Variants in MARCHF1 observed in about 807,000 individuals in gnomAD.
MARCHF1 encodes the protein membrane associated ring-CH-type finger 1.
Under a neutral mutation model 54.2 loss-of-function variants are expected in MARCHF1, and 40 were observed. The ratio of observed to expected loss-of-function variants is 0.74; its 90% CI spans 0.57 to 0.96. MARCHF1 has a LOEUF of 0.96. MARCHF1 is among the 40% of genes least tolerant of loss of function. The probability of loss-of-function intolerance (pLI) is 0.00; values close to 1 mark genes in which losing one functional copy is unlikely to be tolerated. For missense variants in MARCHF1, 586 were observed against 656.5 expected (o/e 0.89, Z 1.17); for synonymous variants, 236 against 236.3 (o/e 1.00, Z 0.01).
chr4:164,284,334 CAG>C (rs139533400), intron 1 of MARCHF1, among the ~76,000 whole-genome samples: 1,514 of 116,552 alleles, frequency 0.013, 26 homozygotes, highest in African/African-American at 0.034. Context: ...GAGAGAGAGA[CAG>C]AGAGAGAGAG....
At chr4:164,292,075 T>C (rs943947178) in intron 1 of MARCHF1, among the ~76,000 whole-genome samples, 2 of 152,126 alleles carry the variant, frequency 1.3e-5, no homozygotes, top group African/African-American at 4.8e-5. Context: ...CTATCAATTA[T>C]AAATGTTCCA....
chr4:163,917,186 C>G (rs1751328020), intron 3 of MARCHF1, among the ~76,000 whole-genome samples: 1 of 152,050 alleles, frequency 6.6e-6, no homozygotes, highest in African/African-American at 2.4e-5. Context: ...TGGATAATTT[C>G]TTTTTAGCAA....
intron 2 of MARCHF1, among the ~76,000 whole-genome samples, chr4:164,057,438 T>C (rs1196697326): frequency 2.0e-5 from 3 of 152,214 alleles, no homozygotes; most frequent in African/African-American, 7.2e-5. Flanking sequence ...TTAGATTAGA[T>C]TTTATAATCT....
intron 2 of MARCHF1, among the ~76,000 whole-genome samples, chr4:164,005,052 A>G (rs1339595610): frequency 6.6e-6 from 1 of 152,100 alleles, no homozygotes; most frequent in African/African-American, 2.4e-5. Context: ...CCAGAAGCTG[A>G]TTCTTTGAAA....
chr4:164,291,076 C>G (rs1261277560), intron 1 of MARCHF1, among the ~76,000 whole-genome samples: 1 of 151,894 alleles, frequency 6.6e-6, no homozygotes, highest in Admixed American at 6.6e-5. Flanking sequence ...CTTCAGACTA[C>G]TCCAGAGACT....
At chr4:163,900,784 T>A (rs1750922895) in intron 3 of MARCHF1, among the ~76,000 whole-genome samples, 1 of 152,154 alleles carries the variant, frequency 6.6e-6, no homozygotes. Flanking sequence ...TGGTAGGTAC[T>A]GAGGGAATAT....
intron 3 of MARCHF1, among the ~76,000 whole-genome samples, chr4:163,877,556 T>A (rs1376908741): frequency 6.6e-6 from 1 of 151,894 alleles, no homozygotes; most frequent in Non-Finnish European, 1.5e-5. Context: ...ACTCTCAAAT[T>A]TTATCACCCT....
In MARCHF1 at chr4:164,199,260, T is replaced by C. The variant is rs553857614; in HGVS notation, c.-322-87598A>G. 4.6e-5 allele frequency among the ~76,000 whole-genome samples: 7 copies of C among 152,366 alleles called. No homozygotes were observed. In the South Asian group the frequency reaches 1.0e-3, roughly 23 times the overall value. On this transcript the variant is annotated intron_variant, in intron 1 of 9. Coordinates refer to ENST00000514618, the MANE Select transcript of MARCHF1 (RefSeq NM_001394959.1). Reference sequence around the variant, plus strand: ...ATTTCAAACCTTCAACATTTTCTTTTATATAGCTTATACAATAAACTTTTC... The same window carrying C: ...ATTTCAAACCTTCAACATTTTCTTTCATATAGCTTATACAATAAACTTTTC...
chr4:163,826,974 T>C (rs1199908785), intron 4 of MARCHF1, among the ~76,000 whole-genome samples: 1 of 152,072 alleles, frequency 6.6e-6, no homozygotes, highest in African/African-American at 2.4e-5. Context: ...GGGTTAAGTT[T>C]ATGGTTTCCT....
intron 2 of MARCHF1, among the ~76,000 whole-genome samples, chr4:163,997,494 G>C (rs1236432908): frequency 6.6e-6 from 1 of 151,936 alleles, no homozygotes; most frequent in Non-Finnish European, 1.5e-5. Context: ...TCAAGTGGGA[G>C]ATATACAACT....
At chr4:164,296,143 G>C (rs769439741) in intron 1 of MARCHF1, among the ~76,000 whole-genome samples, 3 of 152,078 alleles carry the variant, frequency 2.0e-5, no homozygotes, top group African/African-American at 7.2e-5. Context: ...AACTTAAAAA[G>C]TAATTAGTAA....
At chr4:163,903,913 G>A (rs920402144) in intron 3 of MARCHF1, among the ~76,000 whole-genome samples, 3 of 152,070 alleles carry the variant, frequency 2.0e-5, no homozygotes, top group Non-Finnish European at 2.9e-5. Context: ...ACCTCGCCTG[G>A]CCATAAACTT....
At chr4:163,671,204 A>T (rs1579180136) in intron 5 of MARCHF1, among the ~76,000 whole-genome samples, 1 of 152,204 alleles carries the variant, frequency 6.6e-6, no homozygotes, top group Admixed American at 6.5e-5. Context: ...ATTGTTACAA[A>T]GGCTCTTGTG....
At chr4:164,308,557 C>A (rs1344195988) in intron 1 of MARCHF1, among the ~76,000 whole-genome samples, 1 of 152,020 alleles carries the variant, frequency 6.6e-6, no homozygotes, top group Non-Finnish European at 1.5e-5. Context: ...AGCTCCAGAA[C>A]ACCACAACTA....
chr4:163,582,174 T>G (rs1480009913), intron 8 of MARCHF1, among the ~76,000 whole-genome samples: 1 of 152,224 alleles, frequency 6.6e-6, no homozygotes, highest in East Asian at 1.9e-4. Flanking sequence ...CACTTCCAAT[T>G]GCACTGAGTA....
At chr4:164,058,293 C>A (rs774181473) in intron 2 of MARCHF1, among the ~76,000 whole-genome samples, 1 of 152,152 alleles carries the variant, frequency 6.6e-6, no homozygotes, top group African/African-American at 2.4e-5. Context: ...AAAATCTAAT[C>A]AATCTCTTTG....
intron 3 of MARCHF1, among the ~76,000 whole-genome samples, chr4:163,908,725 C>A (rs1318616041): frequency 1.3e-5 from 2 of 152,070 alleles, no homozygotes; most frequent in African/African-American, 4.8e-5. Flanking sequence ...CTAATGGTGG[C>A]CCCAGGAGTC....
intron 3 of MARCHF1, among the ~76,000 whole-genome samples, chr4:163,878,837 T>C (rs955757055): frequency 2.6e-5 from 4 of 152,156 alleles, no homozygotes; most frequent in African/African-American, 9.7e-5. Context: ...AATTGCAGAG[T>C]AATTAGGTAA....
chr4:163,532,430 A>C (rs566052377), intron 9 of MARCHF1, among the ~76,000 whole-genome samples: 3 of 151,944 alleles, frequency 2.0e-5, no homozygotes, highest in Non-Finnish European at 4.4e-5. Flanking sequence ...CACAAAAATT[A>C]ACTCAAAATG....
Sources: gnomAD v4.1 joint callset for allele counts (sites outside exome capture counted in the v4.1 genomes callset) on GRCh38, gnomAD v4.1.1 for gene constraint, MANE v1.5 for transcripts, NCBI Gene and HGNC (gene_info 2026-07-23, HGNC 2026-07-21) for gene names.